Variants in C8orf34 observed in about 807,000 individuals in gnomAD.
C8orf34 encodes chromosome 8 open reading frame 34.
A neutral mutation model predicts 68.3 loss-of-function variants in C8orf34; 65 were observed. That is an observed-to-expected ratio of 0.95 (90% CI 0.78 to 1.17). The LOEUF (loss-of-function observed/expected upper bound fraction) is 1.17. Among genes scored for constraint, C8orf34 ranks in the 50% most tolerant of loss-of-function variants. The probability of loss-of-function intolerance (pLI) is 0.00; values close to 1 mark genes in which losing one functional copy is unlikely to be tolerated. For synonymous variants in C8orf34, 244 were observed against 241.2 expected, an observed-to-expected ratio of 1.01 and a Z score of -0.11; for missense variants, 664 against 655.4, an observed-to-expected ratio of 1.01 and a Z score of -0.14.
intron 10 of C8orf34, among the ~76,000 whole-genome samples, chr8:68,738,374 C>T (rs1408624883): frequency 6.6e-6 from 1 of 151,828 alleles, no homozygotes; most frequent in Non-Finnish European, 1.5e-5. Context: ...GCAATCTAAC[C>T]TTGCAAATAG....
chr8:68,616,484 G>A (rs1226230930), intron 7 of C8orf34, among the ~76,000 whole-genome samples: 1 of 152,168 alleles, frequency 6.6e-6, no homozygotes, highest in Non-Finnish European at 1.5e-5. Context: ...ATTCTGGCAT[G>A]TTGTGTCTTT....
At chr8:68,498,048 G>A (rs557279239) in intron 5 of C8orf34, among the ~76,000 whole-genome samples, 5 of 152,134 alleles carry the variant, frequency 3.3e-5, no homozygotes, top group East Asian at 1.9e-4. Context: ...GGCTGCTCTC[G>A]ACCTCCCGAC....
intron 7 of C8orf34, among the ~76,000 whole-genome samples, chr8:68,547,837 T>C (rs1815936519): frequency 6.6e-6 from 1 of 151,742 alleles, no homozygotes; most frequent in South Asian, 2.1e-4. Context: ...CAATGTGGTA[T>C]TGACATAAGG....
At chr8:68,440,104 A>G (rs914186909) in intron 2 of C8orf34, among the ~76,000 whole-genome samples, 2 of 152,180 alleles carry the variant, frequency 1.3e-5, no homozygotes, top group Non-Finnish European at 2.9e-5. Flanking sequence ...AGGAAGATTC[A>G]CTGACTCTTT....
Position 68,468,768 on chromosome 8 carries a change from C to T in C8orf34, c.684C>T (p.His228=), listed in dbSNP as rs999022082. 7 of 1,612,556 alleles carry T rather than the reference C, an allele frequency of 4.3e-6. No homozygotes were observed. The highest frequency in any genetic ancestry group is 5.1e-6 in the Non-Finnish European group (6 of 1,179,154). ...PQSRDFDELN[H]ILQESKKLGK... is the part of the protein sequence containing the mutation. ...GCCGTGATTTTGATGAATTGAATCA[C>T]ATCCTTCAGGAGAGCAAGAAGCTGG... The change falls in exon 4 of 14, where the codon CAC becomes CAT. Residue 228 remains histidine (H), a synonymous_variant. Coordinates refer to ENST00000518698, the MANE Select transcript of C8orf34 (RefSeq NM_052958.4).
rs575657472 is a variant in C8orf34, at chr8:68,355,143, T to C, written c.327+23804T>C. On this transcript the variant is annotated intron_variant, in intron 1 of 13. Transcript: ENST00000518698. ...TAAATACACAATTAGCTTTCAGCCG[T>C]CTTTTTCTCTTTTAATATTTGCTTT... 1.9e-4 allele frequency among the ~76,000 whole-genome samples: 29 copies of C among 152,210 alleles called. 1 individual carries two copies. Among genetic ancestry groups the C allele is most frequent in the African/African-American group, 5.5e-4 (23 of 41,554 alleles).
At chr8:68,387,664 G>A (rs1808315996) in intron 1 of C8orf34, among the ~76,000 whole-genome samples, 1 of 152,046 alleles carries the variant, frequency 6.6e-6, no homozygotes, top group Non-Finnish European at 1.5e-5. Flanking sequence ...ATAGCACTGT[G>A]TGTCTGAAAA....
rs181256314 is a variant in C8orf34 at position 68,770,809 on chromosome 8, C to T, written c.1405-5590C>T. ...TTAGTCATTAGTCACATAATTGCTC[C>T]TTCTCATTTTCATCCTTTTAAGGCA... On this transcript the variant is annotated intron_variant, in intron 10 of 13. Transcript: ENST00000518698. Among the ~76,000 whole-genome samples, 145 of 152,188 alleles carry T rather than the reference C, an allele frequency of 9.5e-4. 5 individuals are homozygous for T. In the East Asian group the frequency reaches 0.026, roughly 27 times the overall value.
chr8:68,810,879 C>T (rs563493640), intron 12 of C8orf34, among the ~76,000 whole-genome samples: 1 of 152,282 alleles, frequency 6.6e-6, no homozygotes, highest in East Asian at 1.9e-4. Context: ...GAAGTGTGTA[C>T]TGACTGGTCC....
At chr8:68,512,382 C>T (rs1814314314) in intron 5 of C8orf34, among the ~76,000 whole-genome samples, 1 of 152,132 alleles carries the variant, frequency 6.6e-6, no homozygotes, top group Admixed American at 6.5e-5. Context: ...ATCCTGTTTA[C>T]CTTTCTTTCT....
chr8:68,452,015 G>A (rs1309924238), intron 3 of C8orf34, among the ~76,000 whole-genome samples: 1 of 151,750 alleles, frequency 6.6e-6, no homozygotes, highest in Non-Finnish European at 1.5e-5. Flanking sequence ...ATGTTTTTGT[G>A]GTTTATCTAC....
intron 10 of C8orf34, among the ~76,000 whole-genome samples, chr8:68,774,600 G>T (rs1823452756): frequency 6.6e-6 from 1 of 151,882 alleles, no homozygotes; most frequent in African/African-American, 2.4e-5. Flanking sequence ...TATGATTTAG[G>T]AAGAAATATT....
intron 7 of C8orf34, among the ~76,000 whole-genome samples, chr8:68,571,497 G>T (rs1195731372): frequency 6.6e-6 from 1 of 152,140 alleles, no homozygotes; most frequent in Non-Finnish European, 1.5e-5. Flanking sequence ...TAGGTATTGA[G>T]AACCCACAGT....
chr8:68,362,900 C>A (rs202128989), intron 1 of C8orf34, among the ~76,000 whole-genome samples: 4 of 138,428 alleles, frequency 2.9e-5, no homozygotes, highest in African/African-American at 5.5e-5. Flanking sequence ...TGGAGAATGA[C>A]TTTGACGAGC....
At chr8:68,793,242 A>T (rs1349315790) in intron 12 of C8orf34, among the ~76,000 whole-genome samples, 1 of 152,230 alleles carries the variant, frequency 6.6e-6, no homozygotes, top group Non-Finnish European at 1.5e-5. Context: ...GTAAAGTTAA[A>T]CAGTGGAATT....
intron 8 of C8orf34, among the ~76,000 whole-genome samples, chr8:68,666,434 G>A (rs1436088140): frequency 6.6e-6 from 1 of 152,198 alleles, no homozygotes; most frequent in Admixed American, 6.5e-5. Flanking sequence ...CTGTTTAAAG[G>A]AGAATGAAAG....
At chr8:68,424,146 A>T (rs982069407) in intron 1 of C8orf34, among the ~76,000 whole-genome samples, 2 of 152,254 alleles carry the variant, frequency 1.3e-5, no homozygotes, top group Admixed American at 1.3e-4. Flanking sequence ...CACTGATACC[A>T]GTTGCCCAGG....
chr8:68,663,624 AC>A (rs1819751453), intron 8 of C8orf34, among the ~76,000 whole-genome samples: 1 of 152,010 alleles, frequency 6.6e-6, no homozygotes, highest in South Asian at 2.1e-4. Flanking sequence ...GAGCCAGAGG[AC>A]CCCTGCTATG....
chr8:68,609,901 G>T (rs1817966160), intron 7 of C8orf34, among the ~76,000 whole-genome samples: 1 of 152,088 alleles, frequency 6.6e-6, no homozygotes, highest in Non-Finnish European at 1.5e-5. Flanking sequence ...GGAGCCAGGT[G>T]GAGATAAAGA....
Sources: gnomAD v4.1 joint callset for allele counts (sites outside exome capture counted in the v4.1 genomes callset) on GRCh38, gnomAD v4.1.1 for gene constraint, MANE v1.5 for transcripts, NCBI Gene and HGNC (gene_info 2026-07-23, HGNC 2026-07-21) for gene names.